PRLR: variants seen among roughly 807,000 people sequenced by gnomAD.
PRLR encodes hPRL receptor.
PRLR carries 13 observed loss-of-function variants against 40.2 expected under a neutral mutation model. That is an observed-to-expected ratio of 0.32 (90% CI 0.21 to 0.51). PRLR has a LOEUF of 0.51. Among genes scored for constraint, PRLR ranks in the 20% least tolerant of loss-of-function variants. The pLI, the probability that PRLR is intolerant of heterozygous loss-of-function variation, is 0.97. For synonymous variants in PRLR, 269 were observed against 278.7 expected, an observed-to-expected ratio of 0.97 and a Z score of 0.35; for missense variants, 656 against 747.3, an observed-to-expected ratio of 0.88 and a Z score of 1.42.
At chr5:35,109,890 T>C (rs2111633964) in intron 2 of PRLR, among the ~76,000 whole-genome samples, 1 of 152,336 alleles carries the variant, frequency 6.6e-6, no homozygotes, top group African/African-American at 2.4e-5. Flanking sequence ...GGATTATAAA[T>C]GATGCTGCTA....
exon 9 of PRLR, chr5:35,049,145 G>A (rs1276558529): frequency 2.9e-6 from 2 of 697,584 alleles, no homozygotes; most frequent in African/African-American, 1.7e-5. Flanking sequence ...ATATGAGCTG[G>A]CTGGTCACGT....
In PRLR at chr5:35,159,350, G is replaced by A. The variant is rs181250576; in HGVS notation, c.-105-41228C>T. Among the ~76,000 whole-genome samples, 4 of 147,078 alleles carry A rather than the reference G, an allele frequency of 2.7e-5. No individual in the cohort carries two copies. The East Asian group carries it at 7.9e-4, about 29-fold the overall frequency. On this transcript the variant is annotated intron_variant, in intron 1 of 9. Coordinates refer to ENST00000618457, the MANE Select transcript of PRLR (RefSeq NM_000949.7). ...AAAAAAAAAAAAAGGAAATAAACAC[G>A]AAAAAGAAAAAAGCATTTTCCTCTT...
intron 1 of PRLR, among the ~76,000 whole-genome samples, chr5:35,182,829 A>G (rs1008810476): frequency 6.6e-6 from 1 of 152,194 alleles, no homozygotes; most frequent in Admixed American, 6.5e-5. Context: ...TGCCTTTGGG[A>G]TACAATGATC....
At chr5:35,220,807 C>T (rs554010821) in intron 1 of PRLR, among the ~76,000 whole-genome samples, 3 of 152,286 alleles carry the variant, frequency 2.0e-5, no homozygotes, top group East Asian at 1.9e-4. Context: ...CTCAGCACCC[C>T]AGAAAACAAA....
At chr5:35,224,794 G>C (rs1298701592) in intron 1 of PRLR, among the ~76,000 whole-genome samples, 1 of 152,158 alleles carries the variant, frequency 6.6e-6, no homozygotes, top group Non-Finnish European at 1.5e-5. Context: ...CCAGGTCTTT[G>C]CTCTTCAGAG....
chr5:35,219,924 C>G (rs1776374593), intron 1 of PRLR, among the ~76,000 whole-genome samples: 1 of 152,158 alleles, frequency 6.6e-6, no homozygotes, highest in South Asian at 2.1e-4. Context: ...ACTAGGTTTT[C>G]CAGCACTTTC....
At chr5:35,185,582 A>G (rs1775404354) in intron 1 of PRLR, among the ~76,000 whole-genome samples, 1 of 152,200 alleles carries the variant, frequency 6.6e-6, no homozygotes, top group Non-Finnish European at 1.5e-5. Context: ...ACGTACTTCT[A>G]AAAAACACAG....
intron 1 of PRLR, among the ~76,000 whole-genome samples, chr5:35,155,467 A>C (rs1442963575): frequency 6.6e-6 from 1 of 152,234 alleles, no homozygotes; most frequent in Non-Finnish European, 1.5e-5. Context: ...CAGCTAAAAA[A>C]AAAACCCATC....
chr5:35,194,551 A>G (rs761916475), intron 1 of PRLR, among the ~76,000 whole-genome samples: 1 of 152,222 alleles, frequency 6.6e-6, no homozygotes, highest in Non-Finnish European at 1.5e-5. Context: ...GGATAAACAG[A>G]CTACAGTACA....
chr5:35,211,138 C>A (rs1609500), intron 1 of PRLR, among the ~76,000 whole-genome samples: 89,965 of 152,108 alleles, frequency 0.59, 27,422 homozygotes, highest in Non-Finnish European at 0.67. Context: ...TAAAGAATTA[C>A]GGAATGCATT....
chr5:35,184,001 T>C (rs1032858199), intron 1 of PRLR, among the ~76,000 whole-genome samples: 1 of 152,212 alleles, frequency 6.6e-6, no homozygotes, highest in African/African-American at 2.4e-5. Context: ...AGACTAGATG[T>C]CAAATGACCA....
chr5:35,115,853 G>A (rs559062283), intron 2 of PRLR, among the ~76,000 whole-genome samples: 4 of 151,982 alleles, frequency 2.6e-5, no homozygotes, highest in Non-Finnish European at 4.4e-5. Flanking sequence ...AATGGACTGC[G>A]GCACTTTGGG....
intron 2 of PRLR, among the ~76,000 whole-genome samples, chr5:35,103,608 T>A (rs1281672016): frequency 2.0e-5 from 3 of 152,224 alleles, no homozygotes; most frequent in Non-Finnish European, 4.4e-5. Context: ...ACTCAAAATG[T>A]TAGTCAATTT....
intron 2 of PRLR, among the ~76,000 whole-genome samples, chr5:35,109,550 G>A (rs1772507826): frequency 6.6e-6 from 1 of 152,166 alleles, no homozygotes; most frequent in Non-Finnish European, 1.5e-5. Context: ...TCAAAAAGTT[G>A]GTGAAGGATA....
At chr5:35,136,093 G>A (rs75694498) in intron 1 of PRLR, among the ~76,000 whole-genome samples, 1 of 152,328 alleles carries the variant, frequency 6.6e-6, no homozygotes, top group East Asian at 1.9e-4. Flanking sequence ...GTGAGGTAGG[G>A]AAATCATACG....
intron 1 of PRLR, among the ~76,000 whole-genome samples, chr5:35,138,740 A>G (rs1773929565): frequency 6.6e-6 from 1 of 152,222 alleles, no homozygotes; most frequent in African/African-American, 2.4e-5. Flanking sequence ...AGGTTTCTGG[A>G]TCATTCAGAA....
intron 1 of PRLR, among the ~76,000 whole-genome samples, chr5:35,209,519 AAACC>A (rs1416539068): frequency 5.9e-5 from 9 of 152,254 alleles, no homozygotes; most frequent in African/African-American, 1.9e-4. Context: ...CCTGGAGGAT[AAACC>A]AACTAGCTTT....
intron 2 of PRLR, among the ~76,000 whole-genome samples, chr5:35,106,020 T>C (rs1444071432): frequency 1.3e-5 from 2 of 152,190 alleles, no homozygotes; most frequent in Non-Finnish European, 2.9e-5. Context: ...AGACTAACAG[T>C]GGATCTCTTG....
At position 35,186,864 on chromosome 5, in the gene PRLR, G is replaced by T. The variant is rs535933297; in HGVS notation, c.-106+43404C>A. On this transcript the variant is annotated intron_variant, in intron 1 of 9. Coordinates refer to ENST00000618457, the MANE Select transcript of PRLR (RefSeq NM_000949.7). ...ATACTACTCTTCTGCACCCCGCTGT[G>T]TGATAAACCTGCCTGCCCTCAAGAA... is the stretch of plus-strand genomic sequence containing the variant. 2.6e-5 allele frequency among the ~76,000 whole-genome samples: 4 copies of T among 152,320 alleles called. No homozygotes were observed. The South Asian group carries it at 6.2e-4, about 24-fold the overall frequency.
Sources: gnomAD v4.1 joint callset for allele counts (sites outside exome capture counted in the v4.1 genomes callset) on GRCh38, gnomAD v4.1.1 for gene constraint, MANE v1.5 for transcripts, NCBI Gene and HGNC (gene_info 2026-07-23, HGNC 2026-07-21) for gene names.